The following CPEB1 variants were observed in gnomAD, a reference collection of about 807,000 sequenced individuals.
CPEB1 encodes cytoplasmic polyadenylation element binding protein 1.
A neutral mutation model predicts 65.8 loss-of-function variants in CPEB1; 7 were observed. The observed-to-expected ratio is 0.11, with a 90% CI of 0.06 to 0.20. CPEB1 has a LOEUF of 0.20. CPEB1 is among the 10% of genes least tolerant of loss of function. The pLI is 1.00. For synonymous variants in CPEB1, 262 were observed against 260.0 expected (o/e 1.01, Z -0.08); for missense variants, 551 against 712.2 (o/e 0.77, Z 2.58).
chr15:82,567,094 T>C (rs2039255749), intron 4 of CPEB1, among the ~76,000 whole-genome samples: 1 of 152,162 alleles, frequency 6.6e-6, no homozygotes, highest in Admixed American at 6.5e-5. Context: ...GAATATAGTA[T>C]TGGAGAACTG....
chr15:82,627,559 A>G (rs1232005897), intron 2 of CPEB1, among the ~76,000 whole-genome samples, 192 bp from the exon 3 acceptor site: 2 of 152,190 alleles, frequency 1.3e-5, no homozygotes, highest in Non-Finnish European at 2.9e-5. Context: ...TTCTTGGCCA[A>G]TTTGTGGAAA....
At position 82,543,471 on chromosome 15, in the gene CPEB1, A is replaced by ATT. The variant is rs2034640175; in HGVS notation, c.*1120_*1121insAA. On this transcript the variant is annotated 3_prime_UTR_variant, in exon 13 of 13. Transcript: ENST00000684509. ...TTTTTTGTTTCTTTTTAAAAAAAAA[A>ATT]AAAAAAAAAAAAAGGAAAGAAAAAA... is the stretch of plus-strand genomic sequence containing the variant. The ATT allele has an allele frequency of 1.5e-4, 22 of 150,982 alleles. No homozygotes were observed. Among genetic ancestry groups the ATT allele is most frequent in the Non-Finnish European group, 2.4e-4 (16 of 67,776 alleles). The allele number at this position is 150,982 out of a possible 1,614,324, so 9.4% of individuals were successfully genotyped here.
At chr15:82,614,745 A>AGAAAC (rs148250233) in intron 3 of CPEB1, among the ~76,000 whole-genome samples, 1 of 152,042 alleles carries the variant, frequency 6.6e-6, no homozygotes, top group African/African-American at 2.4e-5. Flanking sequence ...AAAGAAAGAA[A>AGAAAC]GAAACGAAAC....
chr15:82,594,161 A>G (rs537035394), intron 3 of CPEB1, among the ~76,000 whole-genome samples: 6 of 152,328 alleles, frequency 3.9e-5, no homozygotes, highest in South Asian at 2.1e-4. Flanking sequence ...TCTAGCTAGG[A>G]AAGTCCTAGA....
chr15:82,636,295 A>C (rs946378205), intron 1 of CPEB1, among the ~76,000 whole-genome samples: 1 of 152,176 alleles, frequency 6.6e-6, no homozygotes, highest in South Asian at 2.1e-4. Flanking sequence ...GACACTAAAC[A>C]ACTGCTCCCA....
intron 8 of CPEB1, 33 bp downstream of exon 8, chr15:82,553,434 C>A: frequency 1.3e-6 from 2 of 1,561,542 alleles, no homozygotes; most frequent in Non-Finnish European, 1.8e-6. Flanking sequence ...AAAAAAGCTC[C>A]TACCATGTCT....
At chr15:82,584,677 CA>C (rs11320676) in intron 3 of CPEB1, among the ~76,000 whole-genome samples, 16,284 of 83,640 alleles carry the variant, frequency 0.19, 1,160 homozygotes, top group African/African-American at 0.32. Context: ...GAGACTCCAT[CA>C]AAAAAAAAAA....
chr15:82,628,728 C>G (rs576409434), intron 1 of CPEB1, 172 bp from the exon 2 acceptor site: 1 of 396,524 alleles, frequency 2.5e-6, no homozygotes, highest in East Asian at 4.5e-5. Flanking sequence ...AGAGCAAGAC[C>G]AATCAATCCT....
chr15:82,567,786 T>C (rs2039399406), intron 4 of CPEB1, among the ~76,000 whole-genome samples: 1 of 152,178 alleles, frequency 6.6e-6, no homozygotes, highest in African/African-American at 2.4e-5. Context: ...CAAGGCATCA[T>C]TAAGAGAGTC....
At chr15:82,627,742 C>A (rs1259110521) in intron 2 of CPEB1, among the ~76,000 whole-genome samples, 1 of 152,200 alleles carries the variant, frequency 6.6e-6, no homozygotes, top group African/African-American at 2.4e-5. Context: ...TAAACACCAG[C>A]TGCCAGTCTT....
intron 4 of CPEB1, among the ~76,000 whole-genome samples, chr15:82,560,110 C>A (rs1022898235): frequency 2.0e-5 from 3 of 152,152 alleles, no homozygotes; most frequent in Non-Finnish European, 2.9e-5. Flanking sequence ...AAACTCCTGC[C>A]TGATAGAAAT....
Position 82,641,294 on chromosome 15 carries a change from G to A in CPEB1, c.-98+5843C>T, listed in dbSNP as rs571508334. Among the ~76,000 whole-genome samples, 9 of 152,264 alleles carry A rather than the reference G, an allele frequency of 5.9e-5. No individual in the cohort carries two copies. In the East Asian group the frequency reaches 9.6e-4, roughly 16 times the overall value. The stretch of plus-strand genomic sequence containing the variant: ...AGAAAGGGCAGACACATGGGAGACA[G>A]ACAGATGGTGTCAGGGCCAGAACCC... On this transcript the variant is annotated intron_variant, in intron 1 of 12. Transcript: ENST00000684509.
At chr15:82,548,840 G>C (rs532429836) in intron 10 of CPEB1, 5 of 352,568 alleles carry the variant, frequency 1.4e-5, no homozygotes, top group Admixed American at 1.3e-4. Context: ...TGGGGAGGTG[G>C]GTTAGCCACA....
chr15:82,611,349 A>AT (rs1392662558), intron 3 of CPEB1, among the ~76,000 whole-genome samples: 5 of 152,180 alleles, frequency 3.3e-5, no homozygotes, highest in African/African-American at 1.2e-4. Context: ...AAAAATAAAT[A>AT]TACTTATGAA....
At chr15:82,568,964 C>G (rs1339726206) in intron 4 of CPEB1, among the ~76,000 whole-genome samples, 1 of 152,178 alleles carries the variant, frequency 6.6e-6, no homozygotes, top group Non-Finnish European at 1.5e-5. Flanking sequence ...CAATATATCA[C>G]CAAGCAGAGC....
chr15:82,606,469 C>CAA (rs1322114993), intron 3 of CPEB1, among the ~76,000 whole-genome samples: 19 of 52,618 alleles, frequency 3.6e-4, no homozygotes, highest in African/African-American at 5.1e-4. Context: ...TACTCCGTCT[C>CAA]AAAAAAAAAA....
rs2039844716 is a variant in CPEB1 at position 82,570,421 on chromosome 15, A to G, written c.460+923T>C. ...TACCACCTTTTCATTTTCCTAGAGT[A>G]TCTGCTGCCAATACCTCTTTATTAT... On this transcript the variant is annotated intron_variant, in intron 4 of 12. Coordinates refer to ENST00000684509, the MANE Select transcript of CPEB1 (RefSeq NM_001365242.1). 2.3e-5 allele frequency among the ~76,000 whole-genome samples: 3 copies of G among 131,238 alleles called. No individual in the cohort carries two copies. In the South Asian group the frequency reaches 7.5e-4, roughly 33 times the overall value. 86.1% of individuals were successfully genotyped at this position (131,238 alleles called of 152,430 possible).
intron 1 of CPEB1, among the ~76,000 whole-genome samples, chr15:82,646,609 A>T (rs2047557559): frequency 6.6e-6 from 1 of 152,104 alleles, no homozygotes; most frequent in Non-Finnish European, 1.5e-5. Flanking sequence ...CCCGAAAAAT[A>T]AGCGCGCGCC....
chr15:82,587,974 T>C (rs995107469), intron 3 of CPEB1, among the ~76,000 whole-genome samples: 5 of 152,166 alleles, frequency 3.3e-5, no homozygotes, highest in African/African-American at 9.7e-5. Context: ...CAGGCTGGAA[T>C]GCAGTGGTGT....
Sources: allele counts gnomAD v4.1 joint callset (sites outside exome capture counted in the v4.1 genomes callset), GRCh38; gene constraint gnomAD v4.1.1; transcripts MANE v1.5; gene names NCBI Gene and HGNC (gene_info 2026-07-23, HGNC 2026-07-21).